Variants in SLC37A2 observed in about 807,000 individuals in gnomAD.
SLC37A2 encodes the protein solute carrier family 37 member 2.
A neutral mutation model predicts 70.7 loss-of-function variants in SLC37A2; 59 were observed. The observed-to-expected ratio is 0.83, with a 90% CI of 0.68 to 1.04. The LOEUF is 1.04. Ranked by LOEUF, SLC37A2 falls within the 50% of genes least tolerant of loss-of-function variation. The probability of loss-of-function intolerance (pLI) is 0.00; values close to 1 mark genes in which losing one functional copy is unlikely to be tolerated. For synonymous variants in SLC37A2, 257 were observed against 262.1 expected (o/e 0.98, Z 0.19); for missense variants, 580 against 658.1 (o/e 0.88, Z 1.30).
Position 125,080,709 on chromosome 11 carries a change from G to T in SLC37A2, c.623G>T (p.Gly208Val). 1.9e-6 allele frequency: 3 copies of T among 1,577,040 alleles called. No homozygotes were observed. Among genetic ancestry groups the T allele is most frequent in the Non-Finnish European group, 2.6e-6 (3 of 1,160,738 alleles). Residue 208 changes from glycine to valine, a missense_variant, in exon 7 of 18, where the codon GGC becomes GTC. By Grantham distance (109) the Gly-to-Val change is moderately radical. Coordinates refer to ENST00000403796, the MANE Select transcript of SLC37A2 (RefSeq NM_001145290.2). The surrounding 1 kb of genome is among the most constrained non-coding windows in gnomAD (Gnocchi z 4.3). ...IAGIWVNGQWGLSFIVPGIIT... is the reference protein window; with the variant it reads ...IAGIWVNGQWVLSFIVPGIIT... ...GGCATCTGGGTGAACGGGCAGTGGG[G>T]CCTGTCGTTCATCGTGCCTGGCATC... is the stretch of plus-strand genomic sequence containing the variant.
intron 5 of SLC37A2, 136 bp downstream of exon 5, chr11:125,079,383 A>G: frequency 4.3e-6 from 5 of 1,170,998 alleles, no homozygotes; most frequent in Non-Finnish European, 4.9e-6. Flanking sequence ...ACTGAGTTCT[A>G]CCTCCTGGCC....
intron 17 of SLC37A2, 174 bp from the exon 18 acceptor site, chr11:125,087,945 T>G: frequency 1.4e-6 from 1 of 695,310 alleles, no homozygotes; most frequent in Non-Finnish European, 2.4e-6. Flanking sequence ...TTTTAAATAT[T>G]AATCTAGCTT....
chr11:125,067,047 A>G (rs1350565331), intron 1 of SLC37A2, among the ~76,000 whole-genome samples: 1 of 151,516 alleles, frequency 6.6e-6, no homozygotes, highest in East Asian at 1.9e-4. Flanking sequence ...TGGCACGATC[A>G]TAGCTCACTG....
At position 125,090,482 on chromosome 11, in the gene SLC37A2, G is replaced by A. The variant is rs1644164350; in HGVS notation, c.*2348G>A. On this transcript the variant is annotated 3_prime_UTR_variant, in exon 18 of 18. Coordinates refer to ENST00000403796, the MANE Select transcript of SLC37A2 (RefSeq NM_001145290.2). ...TCGGGTCCCCTTCCACGCTGTGGGA[G>A]CTTTGTTCTTTGCAATAAATCTTGC... Among the ~76,000 whole-genome samples, 1 of 152,306 alleles carries A rather than the reference G, an allele frequency of 6.6e-6. No individual in the cohort carries two copies. The highest frequency in any genetic ancestry group is 6.5e-5 in the Admixed American group (1 of 15,302).
Position 125,080,521 on chromosome 11 carries a change from C to A in SLC37A2, c.528-93C>A, listed in dbSNP as rs968052034. 8.0e-7 allele frequency: 1 copy of A among 1,246,164 alleles called. No individual in the cohort carries two copies. The highest frequency in any genetic ancestry group is 1.1e-6 in the Non-Finnish European group (1 of 948,398). 77.2% of individuals were successfully genotyped at this position (1,246,164 alleles called of 1,614,324 possible). On this transcript the variant is annotated intron_variant, in intron 6 of 17. Transcript: ENST00000403796. The surrounding 1 kb of genome is among the most constrained non-coding windows in gnomAD (Gnocchi z 4.3). ...GGTGCCTCGGGGAAGCTGTAGTCAG[C>A]CCAGCTTTAGAGCTTGGCTGGGGCA...
Position 125,079,255 on chromosome 11 carries a change from T to A in SLC37A2, c.450+8T>A, listed in dbSNP as rs767099514. On this transcript the variant is annotated splice_region_variant and intron_variant, in intron 5 of 17. Coordinates refer to ENST00000403796, the MANE Select transcript of SLC37A2 (RefSeq NM_001145290.2). ...TACTTTGTGGTCATCCAGGTATGAA[T>A]CACCGTCTTGCACTTGGGCCTGTGT... 7 of 1,614,056 alleles carry A rather than the reference T, an allele frequency of 4.3e-6. No homozygotes were observed. The highest frequency in any genetic ancestry group is 5.9e-6 in the Non-Finnish European group (7 of 1,179,988).
chr11:125,082,109 G>A, intron 9 of SLC37A2, 135 bp from the exon 10 acceptor site: 1 of 1,009,768 alleles, frequency 9.9e-7, no homozygotes, highest in Non-Finnish European at 1.5e-6. Context: ...CTTTTATTGG[G>A]ACTGGATGTG....
chr11:125,076,731 A>AGGG, intron 1 of SLC37A2, 26 bp from the exon 2 acceptor site: 1 of 1,611,856 alleles, frequency 6.2e-7, no homozygotes, highest in Non-Finnish European at 8.5e-7. Flanking sequence ...ACTTCCCACT[A>AGGG]ACGCAGATGC....
At chr11:125,082,642 A>C (rs1338013851) in intron 10 of SLC37A2, among the ~76,000 whole-genome samples, 4 of 152,008 alleles carry the variant, frequency 2.6e-5, no homozygotes, top group Non-Finnish European at 4.4e-5. Context: ...GTGTAGGAGA[A>C]ACCCCCTCCA....
At chr11:125,075,788 G>A (rs1385019322) in intron 1 of SLC37A2, among the ~76,000 whole-genome samples, 1 of 152,228 alleles carries the variant, frequency 6.6e-6, no homozygotes, top group Non-Finnish European at 1.5e-5. Flanking sequence ...AGCATCCAGT[G>A]TCCTGCCCTT....
Position 125,068,486 on chromosome 11 carries a change from C to G in SLC37A2, c.59+5060C>G, listed in dbSNP as rs528153764. ...GTTCTACCTTCTTGGAACTAAGAAT[C>G]AAGCTGGAGAGGGGCTGTGTACACA... On this transcript the variant is annotated intron_variant, in intron 1 of 17. Coordinates refer to ENST00000403796, the MANE Select transcript of SLC37A2 (RefSeq NM_001145290.2). Among the ~76,000 whole-genome samples, 76 of 152,244 alleles carry G rather than the reference C, an allele frequency of 5.0e-4. 2 individuals are homozygous for G. The South Asian group carries it at 0.016, about 31-fold the overall frequency.
intron 17 of SLC37A2, 193 bp downstream of exon 17, chr11:125,086,211 A>G (rs1565400917): frequency 6.2e-7 from 1 of 1,612,888 alleles, no homozygotes; most frequent in Non-Finnish European, 8.5e-7. Flanking sequence ...TAGCTCTAGT[A>G]TGGTCCTAAC....
chr11:125,082,373 A>T, intron 10 of SLC37A2, 39 bp downstream of exon 10: 2 of 1,581,090 alleles, frequency 1.3e-6, no homozygotes, highest in Non-Finnish European at 1.7e-6. Flanking sequence ...GTCTCTGAGG[A>T]GGCCAAGGCT....
chr11:125,077,293 G>T lies in SLC37A2; in HGVS notation c.205G>T (p.Asp69Tyr). 6.2e-7 allele frequency: 1 copy of T among 1,608,536 alleles called. No homozygotes were observed. Among genetic ancestry groups the T allele is most frequent in the Non-Finnish European group, 8.5e-7 (1 of 1,177,222 alleles). ...CATCAATGATACTCACAGTCTCAAT[G>T]ACACCATGTGGTGCAGCTGGGCCCC... ...KPINDTHSLN[D>Y]TMWCSWAPFD... Residue 69 changes from aspartate to tyrosine, a missense_variant, in exon 3 of 18, where the codon GAC becomes TAC. Physicochemically the swap from Asp to Tyr is radical, Grantham distance 160. Coordinates refer to ENST00000403796, the MANE Select transcript of SLC37A2 (RefSeq NM_001145290.2).
chr11:125,080,552 T>C lies in SLC37A2; in HGVS notation c.528-62T>C. ...TTTAGAGCTTGGCTGGGGCAGTTGC[T>C]ATGAACAATGTGCTTTGCTTTTTAC... On this transcript the variant is annotated intron_variant, in intron 6 of 17. Coordinates refer to ENST00000403796, the MANE Select transcript of SLC37A2 (RefSeq NM_001145290.2). This position sits in a 1 kb window ranked among gnomAD's most constrained non-coding sequence, Gnocchi z 4.3. 1 of 1,378,748 alleles carries C rather than the reference T, an allele frequency of 7.3e-7. No individual in the cohort carries two copies. The highest frequency in any genetic ancestry group is 1.5e-5 in the African/African-American group (1 of 67,314). 85.4% of individuals were successfully genotyped at this position (1,378,748 alleles called of 1,614,324 possible).
At chr11:125,079,290 G>C (rs755200101) in intron 5 of SLC37A2, 43 bp downstream of exon 5, 107 of 1,612,392 alleles carry the variant, frequency 6.6e-5, no homozygotes, top group Non-Finnish European at 8.6e-5. Context: ...TTGCCGTCTC[G>C]GGAAGGACCT....
intron 1 of SLC37A2, among the ~76,000 whole-genome samples, chr11:125,073,770 T>A (rs1367027760): frequency 6.6e-6 from 1 of 152,230 alleles, no homozygotes; most frequent in Non-Finnish European, 1.5e-5. Flanking sequence ...GATGCTGCTA[T>A]GTCCCTGGGA....
intron 8 of SLC37A2, 46 bp from the exon 9 acceptor site, chr11:125,081,708 G>T (rs763590300): frequency 6.6e-7 from 1 of 1,520,928 alleles, no homozygotes; most frequent in African/African-American, 1.4e-5. Context: ...CTGGTGGGAG[G>T]CAGCACATGG....
At position 125,083,332 on chromosome 11, in the gene SLC37A2, CCTT is replaced by C. The variant is rs1252058571; in HGVS notation, c.977-482_977-480del. 7 of 153,510 alleles carry C rather than the reference CCTT, an allele frequency of 4.6e-5. No homozygotes were observed. The highest frequency in any genetic ancestry group is 1.7e-4 in the African/African-American group (7 of 41,480). 9.5% of individuals were successfully genotyped at this position (153,510 alleles called of 1,614,324 possible). On this transcript the variant is annotated intron_variant, in intron 10 of 17. Transcript: ENST00000403796. This position sits in a 1 kb window ranked among gnomAD's most constrained non-coding sequence, Gnocchi z 4.6. ...GCTACAATCTCAGCTTCTGGACATT[CCTT>C]TTTTAAAACATGGAGCCAAGGCCTG...
Sources: gnomAD v4.1 joint callset for allele counts (sites outside exome capture counted in the v4.1 genomes callset) on GRCh38, gnomAD v4.1.1 for gene constraint, Gnocchi (gnomAD v3.1) non-coding constraint, MANE v1.5 for transcripts, NCBI Gene and HGNC (gene_info 2026-07-23, HGNC 2026-07-21) for gene names.